Variants in WDR25 observed in about 807,000 individuals in gnomAD.
The protein encoded by WDR25 is WD repeat domain 25.
A neutral mutation model predicts 47.7 loss-of-function variants in WDR25; 35 were observed. The observed-to-expected ratio is 0.73, with a 90% CI of 0.56 to 0.97. WDR25 has a LOEUF of 0.97. WDR25 is among the 50% of genes least tolerant of loss of function. WDR25 has a pLI of 0.00. For missense variants in WDR25, 634 were observed against 704.7 expected, an observed-to-expected ratio of 0.90 and a Z score of 1.14; for synonymous variants, 248 against 278.9, an observed-to-expected ratio of 0.89 and a Z score of 1.10.
At chr14:100,483,350 A>C (rs1900268938) in intron 3 of WDR25, among the ~76,000 whole-genome samples, 3 of 152,188 alleles carry the variant, frequency 2.0e-5, no homozygotes, top group Admixed American at 1.3e-4. Flanking sequence ...TGTATTTATA[A>C]AGGACAAGGA....
intron 4 of WDR25, among the ~76,000 whole-genome samples, chr14:100,491,500 T>C (rs1463985001): frequency 2.0e-5 from 3 of 152,232 alleles, no homozygotes; most frequent in Non-Finnish European, 4.4e-5. Flanking sequence ...CAGTGTTCAG[T>C]ACAATCACAT....
intron 2 of WDR25, among the ~76,000 whole-genome samples, chr14:100,464,630 C>T (rs1458673911): frequency 6.6e-6 from 1 of 151,564 alleles, no homozygotes; most frequent in African/African-American, 2.4e-5. Flanking sequence ...CACACCCCAT[C>T]GCATCAACCC....
intron 2 of WDR25, among the ~76,000 whole-genome samples, chr14:100,384,919 C>G (rs942246221): frequency 5.3e-5 from 8 of 152,224 alleles, no homozygotes; most frequent in African/African-American, 1.4e-4. Flanking sequence ...AGTTACCTCA[C>G]TTCTGAGCCT....
chr14:100,500,927 T>C lies in WDR25; in HGVS notation c.1101+16803T>C, dbSNP rs868009020. Among the ~76,000 whole-genome samples, 6 of 152,258 alleles carry C rather than the reference T, an allele frequency of 3.9e-5. No individual in the cohort carries two copies. The South Asian group carries it at 6.2e-4, about 16-fold the overall frequency. ...TATTTCTGCTTTTCTTCCTTTCCCA[T>C]GTGTTTTGTATCTGTAATTTAAAAT... On this transcript the variant is annotated intron_variant, in intron 4 of 6. Coordinates refer to ENST00000402312, the MANE Select transcript of WDR25 (RefSeq NM_001161476.3). The surrounding 1 kb of genome is among the most constrained non-coding windows in gnomAD (Gnocchi z 4.7).
intron 4 of WDR25, among the ~76,000 whole-genome samples, chr14:100,509,235 A>C (rs895526687): frequency 1.3e-5 from 2 of 152,178 alleles, no homozygotes; most frequent in African/African-American, 4.8e-5. Flanking sequence ...TTGAATCACA[A>C]AAAAAATTAA....
intron 2 of WDR25, among the ~76,000 whole-genome samples, chr14:100,434,624 C>T (rs1357494217): frequency 6.6e-6 from 1 of 152,148 alleles, no homozygotes; most frequent in Non-Finnish European, 1.5e-5. Flanking sequence ...TTTCCCCAAT[C>T]TTAGGGATTT....
chr14:100,529,774 G>A lies in WDR25; in HGVS notation c.1414-46G>A, dbSNP rs760851168. 2.8e-5 allele frequency: 44 copies of A among 1,587,022 alleles called. No individual in the cohort carries two copies. In the Admixed American group the frequency reaches 3.7e-4, roughly 13 times the overall value. Reference sequence around the variant, plus strand: ...TCTGTAGAATGGGCATACTCACCCCGGCTTGACAGGTGCGGCTTGCTCACC... The same window carrying A: ...TCTGTAGAATGGGCATACTCACCCCAGCTTGACAGGTGCGGCTTGCTCACC... On this transcript the variant is annotated intron_variant, in intron 6 of 6. Transcript: ENST00000402312. The surrounding 1 kb of genome is among the most constrained non-coding windows in gnomAD (Gnocchi z 5.1).
intron 2 of WDR25, among the ~76,000 whole-genome samples, chr14:100,386,247 A>G (rs574215591): frequency 6.6e-6 from 1 of 152,354 alleles, no homozygotes; most frequent in South Asian, 2.1e-4. Flanking sequence ...GAGAAACAGA[A>G]ATCATTGATA....
chr14:100,446,187 C>T (rs1898826672), intron 2 of WDR25, among the ~76,000 whole-genome samples: 1 of 152,188 alleles, frequency 6.6e-6, no homozygotes, highest in Admixed American at 6.5e-5. Flanking sequence ...GCTCCTGCCC[C>T]TGGGGTCCTG....
rs1335297760 is a variant in WDR25, at chr14:100,468,967, T to G, written c.970+799T>G. Among the ~76,000 whole-genome samples the G allele has an allele frequency of 1.3e-5, 2 of 152,028 alleles. No individual in the cohort carries two copies. The highest frequency in any genetic ancestry group is 2.9e-5 in the Non-Finnish European group (2 of 68,004). On this transcript the variant is annotated intron_variant, in intron 3 of 6. Coordinates refer to ENST00000402312, the MANE Select transcript of WDR25 (RefSeq NM_001161476.3). The surrounding 1 kb of genome is among the most constrained non-coding windows in gnomAD (Gnocchi z 4.5). ...TCTTTCTTTCCTTTTTAAAAATGTTTTATCCCCCTCCATGAGCAGGATCCA... is the reference window on the plus strand; with the variant it reads ...TCTTTCTTTCCTTTTTAAAAATGTTGTATCCCCCTCCATGAGCAGGATCCA...
chr14:100,469,827 C>T (rs1899768298), intron 3 of WDR25, among the ~76,000 whole-genome samples: 1 of 152,214 alleles, frequency 6.6e-6, no homozygotes, highest in African/African-American at 2.4e-5. Context: ...GGGCACAAAC[C>T]AGCAAGTGAC....
Position 100,488,734 on chromosome 14 carries a change from G to C in WDR25, c.1101+4610G>C, listed in dbSNP as rs1900467096. Among the ~76,000 whole-genome samples the C allele has an allele frequency of 6.6e-6, 1 of 152,186 alleles. No individual in the cohort carries two copies. Among genetic ancestry groups the C allele is most frequent in the Non-Finnish European group, 1.5e-5 (1 of 68,022 alleles). On this transcript the variant is annotated intron_variant, in intron 4 of 6. Transcript: ENST00000402312. The surrounding 1 kb of genome is among the most constrained non-coding windows in gnomAD (Gnocchi z 4.2). ...ACATTTTGAGAAGCTAGGGACCAAA[G>C]GGCCTCTGAAGTTAAAAGTCCCTTG...
intron 2 of WDR25, among the ~76,000 whole-genome samples, chr14:100,456,933 T>C: frequency 6.6e-6 from 1 of 152,148 alleles, no homozygotes; most frequent in East Asian, 1.9e-4. Context: ...TTCACCAAGG[T>C]ATATTATAAT....
intron 2 of WDR25, among the ~76,000 whole-genome samples, chr14:100,403,140 CTTT>C (rs917430570): frequency 3.3e-5 from 5 of 152,202 alleles, no homozygotes; most frequent in Admixed American, 6.5e-5. Flanking sequence ...GACCATTCTT[CTTT>C]ATTTCTTTGA....
rs1338085721 is a variant in WDR25, at chr14:100,449,688, G to A, written c.823-18333G>A. 6.6e-6 allele frequency among the ~76,000 whole-genome samples: 1 copy of A among 152,224 alleles called. No homozygotes were observed. The highest frequency in any genetic ancestry group is 6.5e-5 in the Admixed American group (1 of 15,278). ...CTCAGTAACTGCTGAGAGCATCCCTGAGTCCCTGCACGTGCATGAAGCAGA... is the reference window on the plus strand; with the variant it reads ...CTCAGTAACTGCTGAGAGCATCCCTAAGTCCCTGCACGTGCATGAAGCAGA... On this transcript the variant is annotated intron_variant, in intron 2 of 6. Transcript: ENST00000402312. This position sits in a 1 kb window ranked among gnomAD's most constrained non-coding sequence, Gnocchi z 4.2.
chr14:100,483,923 A>G (rs1900290360), intron 3 of WDR25, 71 bp from the exon 4 acceptor site: 3 of 1,530,034 alleles, frequency 2.0e-6, no homozygotes, highest in Non-Finnish European at 2.6e-6. Flanking sequence ...ACCAGATGGC[A>G]TCTTAGTTTT....
chr14:100,437,005 G>A (rs1898520198), intron 2 of WDR25, among the ~76,000 whole-genome samples: 1 of 152,212 alleles, frequency 6.6e-6, no homozygotes, highest in African/African-American at 2.4e-5. Context: ...AGCACTGAAG[G>A]CCTTTTAGCA....
intron 3 of WDR25, among the ~76,000 whole-genome samples, chr14:100,473,478 C>T (rs982971269): frequency 1.3e-5 from 2 of 152,150 alleles, no homozygotes; most frequent in African/African-American, 4.8e-5. Flanking sequence ...TAACCTGACT[C>T]CTGGGGAGCC....
At chr14:100,526,311 G>A (rs2030131608) in intron 5 of WDR25, among the ~76,000 whole-genome samples, 1 of 152,138 alleles carries the variant, frequency 6.6e-6, no homozygotes, top group South Asian at 2.1e-4. Flanking sequence ...AGATCAATGG[G>A]GAACGTGGCA....
Sources: gnomAD v4.1 joint callset for allele counts (sites outside exome capture counted in the v4.1 genomes callset) on GRCh38, gnomAD v4.1.1 for gene constraint, Gnocchi (gnomAD v3.1) non-coding constraint, MANE v1.5 for transcripts, NCBI Gene and HGNC (gene_info 2026-07-23, HGNC 2026-07-21) for gene names.